Variants in ADAM12 observed in about 807,000 individuals in gnomAD.
The protein encoded by ADAM12 is disintegrin and metalloproteinase domain-containing protein 12.
Under a neutral mutation model 106.4 loss-of-function variants are expected in ADAM12, and 70 were observed. The ratio of observed to expected loss-of-function variants is 0.66; its 90% confidence interval spans 0.54 to 0.80. The LOEUF is 0.80. Among genes scored for constraint, ADAM12 ranks in the 30% least tolerant of loss-of-function variants. ADAM12 has a pLI of 0.00. For missense variants in ADAM12, 1,010 were observed against 1,171.9 expected (o/e 0.86, Z 2.02); for synonymous variants, 420 against 433.5 (o/e 0.97, Z 0.39).
chr10:126,236,830 C>T (rs1322373921), intron 3 of ADAM12, among the ~76,000 whole-genome samples: 1 of 152,124 alleles, frequency 6.6e-6, no homozygotes, highest in African/African-American at 2.4e-5. Flanking sequence ...TGGAGAAACC[C>T]CTGGGGACAG....
intron 2 of ADAM12, among the ~76,000 whole-genome samples, chr10:126,313,935 A>G (rs1192752602): frequency 2.0e-5 from 3 of 152,018 alleles, no homozygotes; most frequent in African/African-American, 7.2e-5. Context: ...GAGGGAAGGA[A>G]GACTTCCCTA....
chr10:126,183,479 C>G (rs919848315), intron 3 of ADAM12, among the ~76,000 whole-genome samples: 2 of 152,210 alleles, frequency 1.3e-5, no homozygotes, highest in African/African-American at 2.4e-5. Context: ...AGGTGAGCTT[C>G]ACCTCCTGCC....
At chr10:126,158,651 GTTGGGGGAT>G (rs1956871708) in intron 3 of ADAM12, among the ~76,000 whole-genome samples, 4 of 85,506 alleles carry the variant, frequency 4.7e-5, no homozygotes, top group African/African-American at 9.0e-5. Context: ...CAGAGCATGG[GTTGGGGGAT>G]GCACAGAGCA....
At chr10:126,231,361 A>G (rs997804764) in intron 3 of ADAM12, among the ~76,000 whole-genome samples, 8 of 151,660 alleles carry the variant, frequency 5.3e-5, no homozygotes, top group Non-Finnish European at 1.0e-4. Context: ...GGAGGGAGGA[A>G]ATAAGGCAAC....
chr10:126,106,373 A>C (rs1399229223), intron 8 of ADAM12, among the ~76,000 whole-genome samples: 1 of 152,062 alleles, frequency 6.6e-6, no homozygotes, highest in Non-Finnish European at 1.5e-5. Context: ...TGGTAAAAAT[A>C]ATAATCAGGA....
intron 3 of ADAM12, among the ~76,000 whole-genome samples, chr10:126,265,038 G>A (rs1032976542): frequency 6.6e-6 from 1 of 152,162 alleles, no homozygotes; most frequent in Non-Finnish European, 1.5e-5. Context: ...AAAATACAAG[G>A]CTTTTGGATC....
chr10:126,225,950 G>T (rs1184240281), intron 3 of ADAM12, among the ~76,000 whole-genome samples: 1 of 152,276 alleles, frequency 6.6e-6, no homozygotes, highest in African/African-American at 2.4e-5. Context: ...TAACAGAAAT[G>T]GGAGTGCGGA....
chr10:126,277,913 C>T (rs959839141), intron 3 of ADAM12, among the ~76,000 whole-genome samples: 2 of 152,132 alleles, frequency 1.3e-5, no homozygotes, highest in African/African-American at 4.8e-5. Flanking sequence ...GACTGTCTTT[C>T]GTCTGTCTTG....
intron 3 of ADAM12, among the ~76,000 whole-genome samples, chr10:126,177,350 T>C (rs779323425): frequency 6.6e-6 from 1 of 152,196 alleles, no homozygotes; most frequent in Non-Finnish European, 1.5e-5. Context: ...GGCCACCGTT[T>C]ATGGAACCCC....
At chr10:126,211,522 C>T (rs750977408) in intron 3 of ADAM12, among the ~76,000 whole-genome samples, 15 of 151,072 alleles carry the variant, frequency 9.9e-5, no homozygotes, top group Non-Finnish European at 2.1e-4. Context: ...CTGCCAGTAG[C>T]CATCTCTGGG....
chr10:126,120,810 T>C (rs1386882211), intron 5 of ADAM12, among the ~76,000 whole-genome samples: 1 of 149,116 alleles, frequency 6.7e-6, no homozygotes, highest in African/African-American at 2.5e-5. Context: ...TTTTAGCAAA[T>C]TCAGGAGTGA....
At chr10:126,134,870 A>C (rs1283568769) in intron 5 of ADAM12, among the ~76,000 whole-genome samples, 3 of 152,164 alleles carry the variant, frequency 2.0e-5, no homozygotes, top group African/African-American at 7.2e-5. Context: ...GTTACCCAGG[A>C]CTCTGAGGTT....
intron 3 of ADAM12, among the ~76,000 whole-genome samples, chr10:126,276,190 G>T (rs756430271): frequency 6.6e-6 from 1 of 152,076 alleles, no homozygotes; most frequent in African/African-American, 2.4e-5. Flanking sequence ...GTGTTGGAGC[G>T]GTATACTAAC....
chr10:126,140,293 AT>A (rs1450904303), intron 4 of ADAM12, among the ~76,000 whole-genome samples: 18 of 152,212 alleles, frequency 1.2e-4, no homozygotes, highest in African/African-American at 3.6e-4. Context: ...GACCTCTGAA[AT>A]TTCAAGCTCA....
At chr10:126,240,360 C>T (rs1002722900) in intron 3 of ADAM12, among the ~76,000 whole-genome samples, 1 of 152,252 alleles carries the variant, frequency 6.6e-6, no homozygotes, top group African/African-American at 2.4e-5. Flanking sequence ...TGCACCTGTG[C>T]TAATCTGTGC....
intron 3 of ADAM12, among the ~76,000 whole-genome samples, chr10:126,216,044 T>C (rs2133844432): frequency 6.6e-6 from 1 of 152,294 alleles, no homozygotes; most frequent in African/African-American, 2.4e-5. Flanking sequence ...CCTTTTGTTT[T>C]CCCCTTTCGA....
intron 2 of ADAM12, among the ~76,000 whole-genome samples, chr10:126,325,270 C>T (rs1479072921): frequency 2.6e-5 from 4 of 152,164 alleles, no homozygotes; most frequent in Admixed American, 6.5e-5. Context: ...AATTAGGAAG[C>T]CATCTCTGAC....
At chr10:126,270,885 T>A (rs1959171735) in intron 3 of ADAM12, among the ~76,000 whole-genome samples, 1 of 152,142 alleles carries the variant, frequency 6.6e-6, no homozygotes, top group African/African-American at 2.4e-5. Context: ...TAGAATTCAG[T>A]GGAGCACTGA....
intron 2 of ADAM12, among the ~76,000 whole-genome samples, chr10:126,300,122 C>T (rs557525504): frequency 3.9e-4 from 60 of 152,328 alleles, no homozygotes; most frequent in African/African-American, 1.3e-3. Flanking sequence ...CAACGTTCTG[C>T]AGTTAGAAGA....
Sources: allele counts gnomAD v4.1 joint callset (sites outside exome capture counted in the v4.1 genomes callset), GRCh38; gene constraint gnomAD v4.1.1; transcripts MANE v1.5; gene names NCBI Gene and HGNC (gene_info 2026-07-23, HGNC 2026-07-21).